ABCA13: variants seen among roughly 807,000 people sequenced by gnomAD.
ABCA13 encodes the protein ATP binding cassette subfamily A member 13.
In ABCA13, 476 loss-of-function variants were observed where a neutral mutation model predicts 478.7. The ratio of observed to expected loss-of-function variants is 0.99; its 90% CI spans 0.92 to 1.07. The LOEUF (loss-of-function observed/expected upper bound fraction) is 1.07, where lower values mean the gene tolerates loss of function less well. ABCA13 is among the 50% of genes least tolerant of loss of function. ABCA13 has a pLI of 0.00. For synonymous variants in ABCA13, 2,252 were observed against 2,158.9 expected (o/e 1.04, Z -1.20); for missense variants, 6,060 against 5,910.6 (o/e 1.03, Z -0.83).
intron 41 of ABCA13, among the ~76,000 whole-genome samples, chr7:48,422,269 G>T (rs975051838): frequency 2.6e-5 from 4 of 151,556 alleles, no homozygotes; most frequent in African/African-American, 9.7e-5. Flanking sequence ...GGGGGCTAAG[G>T]TCTTCTTAAC....
chr7:48,630,990 T>G (rs1794116458), intron 59 of ABCA13, among the ~76,000 whole-genome samples: 2 of 151,960 alleles, frequency 1.3e-5, no homozygotes, highest in Admixed American at 1.3e-4. Context: ...CTTTTGCCCA[T>G]TTTTTTAATG....
intron 54 of ABCA13, 137 bp downstream of exon 54, chr7:48,524,577 T>G (rs1281412068): frequency 2.6e-6 from 2 of 757,380 alleles, no homozygotes; most frequent in Non-Finnish European, 4.0e-6. Context: ...TCCTACAAAA[T>G]CAGTAGGAGC....
intron 20 of ABCA13, among the ~76,000 whole-genome samples, chr7:48,289,383 G>C (rs966664385): frequency 1.4e-5 from 2 of 147,970 alleles, no homozygotes; most frequent in Non-Finnish European, 3.0e-5. Context: ...TTTTGAAACG[G>C]AGTCTTGCAC....
chr7:48,605,778 G>A lies in ABCA13; in HGVS notation c.14745-9507G>A, dbSNP rs186662924. On this transcript the variant is annotated intron_variant, in intron 58 of 61. Coordinates refer to ENST00000435803, the MANE Select transcript of ABCA13 (RefSeq NM_152701.5). ...TGACCTTCCTTCCTAGGTTTGTGAA[G>A]TTCTCCTGGATAATATCCTGAAGAG... 8.7e-4 allele frequency among the ~76,000 whole-genome samples: 132 copies of A among 152,254 alleles called. 1 individual carries two copies. The highest frequency in any genetic ancestry group is 2.8e-3 in the African/African-American group (116 of 41,544).
At position 48,387,953 on chromosome 7, in the gene ABCA13, A is replaced by G. The variant is rs776925418; in HGVS notation, c.11467A>G (p.Asn3823Asp). 6.2e-7 allele frequency: 1 copy of G among 1,605,944 alleles called. No homozygotes were observed. Among genetic ancestry groups the G allele is most frequent in the Admixed American group, 1.7e-5 (1 of 57,424 alleles). The change falls in exon 36 of 62, where the codon AAT becomes GAT. Residue 3823 changes from asparagine to aspartate, a missense_variant. Physicochemically the swap from Asn to Asp is conservative, Grantham distance 23 (BLOSUM62 1). This residue lies in a region of ABCA13 where 1,627 missense variants were observed against 1,571.0 expected (regional missense o/e 1.04). Transcript: ENST00000435803. ...SLFFFNENFDNKGSSLQNREG... is the reference protein window; with the variant it reads ...SLFFFNENFDDKGSSLQNREG... ...GTTCTTCTTCAATGAGAACTTTGACAATAAAGGTTTGTAAGGAGTAGAATT... is the reference window on the plus strand; with the variant it reads ...GTTCTTCTTCAATGAGAACTTTGACGATAAAGGTTTGTAAGGAGTAGAATT...
chr7:48,516,973 G>T, intron 52 of ABCA13, 92 bp downstream of exon 52: 1 of 1,359,378 alleles, frequency 7.4e-7, no homozygotes. Context: ...TTTCTGACTG[G>T]AATTCAATGG....
intron 29 of ABCA13, among the ~76,000 whole-genome samples, chr7:48,338,772 T>C (rs1024944686): frequency 6.6e-6 from 1 of 152,230 alleles, no homozygotes; most frequent in African/African-American, 2.4e-5. Flanking sequence ...TTATTATTAT[T>C]ATTGAGTTAA....
At chr7:48,398,730 G>GC (rs1337623798) in intron 38 of ABCA13, among the ~76,000 whole-genome samples, 2 of 152,206 alleles carry the variant, frequency 1.3e-5, no homozygotes, top group African/African-American at 4.8e-5. Flanking sequence ...AGTTCACCAT[G>GC]CAACTCAGGT....
At chr7:48,588,124 G>C (rs112620799) in intron 57 of ABCA13, among the ~76,000 whole-genome samples, 1,559 of 152,234 alleles carry the variant, frequency 0.01, 37 homozygotes, top group African/African-American at 0.035. Context: ...GAGAAGGTCT[G>C]TGTGGGAAAA....
At chr7:48,519,660 C>G (rs1003994243) in intron 52 of ABCA13, among the ~76,000 whole-genome samples, 1 of 152,126 alleles carries the variant, frequency 6.6e-6, no homozygotes, top group Non-Finnish European at 1.5e-5. Flanking sequence ...AAATCGAACA[C>G]TTATGGATTG....
At chr7:48,215,379 C>T (rs560557745) in intron 3 of ABCA13, among the ~76,000 whole-genome samples, 9 of 151,878 alleles carry the variant, frequency 5.9e-5, no homozygotes, top group African/African-American at 1.4e-4. Context: ...GTGGCATCCC[C>T]GAGCAATTAT....
chr7:48,396,460 G>C (rs1816846451), intron 38 of ABCA13, among the ~76,000 whole-genome samples: 1 of 152,206 alleles, frequency 6.6e-6, no homozygotes, highest in Non-Finnish European at 1.5e-5. Flanking sequence ...GAGGCTCCAG[G>C]AGATGGTGCC....
At chr7:48,298,018 T>A (rs772646218) in intron 22 of ABCA13, among the ~76,000 whole-genome samples, 1 of 151,436 alleles carries the variant, frequency 6.6e-6, no homozygotes, top group Non-Finnish European at 1.5e-5. Flanking sequence ...ACTCCTGACC[T>A]TTGATCTGCC....
intron 3 of ABCA13, among the ~76,000 whole-genome samples, chr7:48,212,365 G>T (rs1251341323): frequency 1.3e-5 from 2 of 152,186 alleles, no homozygotes; most frequent in Non-Finnish European, 2.9e-5. Context: ...ATCTTCTTCA[G>T]TGCCTCTTTC....
rs775230050 is a variant in ABCA13, at chr7:48,489,216, A to T, written c.13183-20A>T. ...CGAGCTAATTTCGTGAGAGCCATTA[A>T]ATTATCTTTCTTTTTTTAGGTGTGG... is the stretch of plus-strand genomic sequence containing the variant. On this transcript the variant is annotated intron_variant, in intron 47 of 61. Transcript: ENST00000435803. 5 of 1,578,820 alleles carry T rather than the reference A, an allele frequency of 3.2e-6. No homozygotes were observed. The East Asian group carries it at 1.1e-4, about 36-fold the overall frequency.
rs1788377793 is a variant in ABCA13 at position 48,227,377 on chromosome 7, T to A, written c.584T>A (p.Val195Glu). Residue 195 changes from valine to glutamate, a missense_variant, in exon 6 of 62, where the codon GTG (valine) becomes GAG (glutamate). Coordinates refer to ENST00000435803, the MANE Select transcript of ABCA13 (RefSeq NM_152701.5). Reference sequence around the variant, plus strand: ...AGACTACACACAAGCCATGATCATGTGGAAGATGGCATGGATGTTGCAGTG... The same window carrying A: ...AGACTACACACAAGCCATGATCATGAGGAAGATGGCATGGATGTTGCAGTG... ...LPRLHTSHDHVEDGMDVAVNL... is the reference protein window; with the variant it reads ...LPRLHTSHDHEEDGMDVAVNL... 1.2e-6 allele frequency: 2 copies of A among 1,614,016 alleles called. No individual in the cohort carries two copies. The highest frequency in any genetic ancestry group is 4.5e-5 in the East Asian group (2 of 44,878).
intron 3 of ABCA13, among the ~76,000 whole-genome samples, chr7:48,206,417 T>C (rs1473807918): frequency 6.6e-6 from 1 of 152,206 alleles, no homozygotes; most frequent in Non-Finnish European, 1.5e-5. Flanking sequence ...AGGTATGTAG[T>C]AGGCTCCACC....
Position 48,229,890 on chromosome 7 carries a change from A to G in ABCA13, c.698A>G (p.Glu233Gly), listed in dbSNP as rs375042376. Residue 233 changes from glutamate to glycine, a missense_variant, in exon 7 of 62, where the codon GAA (glutamate) becomes GGA (glycine). Physicochemically the swap from Glu to Gly is moderately conservative, Grantham distance 98 (BLOSUM62 -2). This residue lies in a region of ABCA13 where 4,423 missense variants were observed against 4,309.1 expected (regional missense o/e 1.03). Transcript: ENST00000435803. The stretch of plus-strand genomic sequence containing the variant: ...AACCAAACTTTTTCCCAGGTTTCTG[A>G]ACTTGTACTGAATGTGACCATTTCG... ...PLNQTFSQVS[E>G]LVLNVTISTL... The G allele has an allele frequency of 1.9e-6, 3 of 1,613,928 alleles. No homozygotes were observed. The African/African-American group carries it at 4.0e-5, about 22-fold the overall frequency.
At position 48,278,289 on chromosome 7, in the gene ABCA13, A is replaced by G. The variant is rs546731257; in HGVS notation, c.7095A>G (p.Leu2365=). The part of the protein sequence containing the change: ...THQGLKFMQD[L]FNALLRETSM... ...AAGGACTGAAGTTCATGCAAGATTTATTTAATGCCCTTCTCAGGGAAACTT... is the reference window on the plus strand; with the variant it reads ...AAGGACTGAAGTTCATGCAAGATTTGTTTAATGCCCTTCTCAGGGAAACTT... Residue 2365 remains leucine (L), a synonymous_variant, in exon 18 of 62, where the codon TTA becomes TTG. Transcript: ENST00000435803. 1.9e-6 allele frequency: 3 copies of G among 1,612,638 alleles called. No individual in the cohort carries two copies. Among genetic ancestry groups the G allele is most frequent in the South Asian group, 2.2e-5 (2 of 90,940 alleles).
Sources: allele counts gnomAD v4.1 joint callset (sites outside exome capture counted in the v4.1 genomes callset), GRCh38; gene constraint gnomAD v4.1.1; regional missense constraint gnomAD v4.1.1; transcripts MANE v1.5; gene names NCBI Gene and HGNC (gene_info 2026-07-23, HGNC 2026-07-21).